The following DNAH6 variants were observed in gnomAD, a reference collection of about 807,000 sequenced individuals.
DNAH6 encodes the protein axonemal beta dynein heavy chain 6.
A neutral mutation model predicts 491.4 loss-of-function variants in DNAH6; 340 were observed. That is an observed-to-expected ratio of 0.69 (90% CI 0.63 to 0.76). The LOEUF is 0.76. Ranked by LOEUF, DNAH6 falls within the 30% of genes least tolerant of loss-of-function variation. The pLI, the probability that DNAH6 is intolerant of heterozygous loss-of-function variation, is 0.00. For synonymous variants in DNAH6, 1,603 were observed against 1,686.1 expected, an observed-to-expected ratio of 0.95 and a Z score of 1.21; for missense variants, 4,443 against 4,972.2, an observed-to-expected ratio of 0.89 and a Z score of 3.20.
the DNAH6 span, among the ~76,000 whole-genome samples, chr2:84,488,064 T>C: frequency 2.0e-5 from 3 of 152,200 alleles, no homozygotes; most frequent in African/African-American, 7.2e-5. Flanking sequence ...AATTGAGTAC[T>C]CTGTTTTTAG....
intron 58 of DNAH6, among the ~76,000 whole-genome samples, chr2:84,716,177 A>G (rs931586783): frequency 6.7e-6 from 1 of 150,196 alleles, no homozygotes; most frequent in African/African-American, 2.4e-5. Flanking sequence ...ATATATATGT[A>G]TGCCCTTTCT....
chr2:84,733,526 T>A lies in DNAH6; in HGVS notation c.10289T>A (p.Val3430Asp). 7 of 1,551,644 alleles carry A rather than the reference T, an allele frequency of 4.5e-6. No homozygotes were observed. In the East Asian group the frequency reaches 1.5e-4, roughly 33 times the overall value. The change falls in exon 62 of 77, where the codon GTT becomes GAT. Residue 3430 changes from valine to aspartate, a missense_variant. This residue lies in a region of DNAH6 where 1,463 missense variants were observed against 1,656.6 expected (regional missense o/e 0.88). Transcript: ENST00000389394. ...ACCDLEESFP[V>D]FHGLTQNILS... ...TGTGACTTGGAAGAATCATTTCCAG[T>A]TTTTCACGGACTTACCCAAAATATA...
intron 29 of DNAH6, among the ~76,000 whole-genome samples, chr2:84,631,025 T>C (rs1036072758): frequency 3.9e-5 from 6 of 152,208 alleles, no homozygotes; most frequent in African/African-American, 1.4e-4. Context: ...TTATTTCTAA[T>C]GGTCAATTAA....
chr2:84,465,514 AAG>A, the DNAH6 span, among the ~76,000 whole-genome samples: 4 of 152,220 alleles, frequency 2.6e-5, no homozygotes, highest in African/African-American at 7.2e-5. Context: ...AGAAAAAAAA[AAG>A]AAAACATTCA....
At chr2:84,753,827 A>ATTTTT (rs373380346) in intron 63 of DNAH6, among the ~76,000 whole-genome samples, 10 of 131,164 alleles carry the variant, frequency 7.6e-5, no homozygotes, top group African/African-American at 2.6e-4. Flanking sequence ...TTTTGAGTTA[A>ATTTTT]TTTTTTTTTT....
At chr2:84,588,783 A>G in intron 15 of DNAH6, 43 bp from the exon 16 acceptor site, 1 of 1,462,864 alleles carries the variant, frequency 6.8e-7, no homozygotes, top group Non-Finnish European at 9.1e-7. Flanking sequence ...GGTCTTTATC[A>G]AAAAGCAGGA....
chr2:84,733,450 C>A lies in DNAH6; in HGVS notation c.10213C>A (p.Pro3405Thr). Reference protein sequence around the residue: ...RGSAGLEKERPPKPEAPWLPT... With the variant: ...RGSAGLEKERTPKPEAPWLPT... ...ATTTTCTGTCTTCAAACAGGAACGC[C>A]CACCTAAGCCTGAAGCTCCCTGGCT... The change falls in exon 62 of 77, where the codon CCA becomes ACA. Residue 3405 changes from proline (P) to threonine (T), a missense_variant. Pro to Thr is a conservative substitution (Grantham distance 38, BLOSUM62 -1). Transcript: ENST00000389394. The A allele has an allele frequency of 6.5e-7, 1 of 1,550,182 alleles. No individual in the cohort carries two copies. The highest frequency in any genetic ancestry group is 8.7e-7 in the Non-Finnish European group (1 of 1,146,202).
chr2:84,537,702 G>A (rs17025222), intron 4 of DNAH6, among the ~76,000 whole-genome samples: 3,594 of 152,124 alleles, frequency 0.024, 57 homozygotes, highest in Middle Eastern at 0.092. Context: ...GGTATAAAAG[G>A]ACCCACTGTT....
At chr2:84,755,108 T>G (rs1382971741) in intron 63 of DNAH6, among the ~76,000 whole-genome samples, 1 of 152,252 alleles carries the variant, frequency 6.6e-6, no homozygotes, top group Non-Finnish European at 1.5e-5. Context: ...AAAGTTCCTT[T>G]ATTAGAAACT....
chr2:84,796,959 A>G (rs989547201), intron 69 of DNAH6, among the ~76,000 whole-genome samples: 7 of 152,248 alleles, frequency 4.6e-5, no homozygotes, highest in African/African-American at 1.7e-4. Flanking sequence ...ATTATGAGTC[A>G]GACAGCAAAC....
intron 30 of DNAH6, among the ~76,000 whole-genome samples, chr2:84,635,022 C>T (rs1029597898): frequency 3.3e-5 from 5 of 152,130 alleles, no homozygotes; most frequent in Non-Finnish European, 7.3e-5. Context: ...CAGCACTGCT[C>T]CAAGCCCTGT....
intron 61 of DNAH6, among the ~76,000 whole-genome samples, chr2:84,728,461 A>G (rs1698844881): frequency 6.6e-6 from 1 of 152,226 alleles, no homozygotes; most frequent in Non-Finnish European, 1.5e-5. Flanking sequence ...CTAACTGTGT[A>G]ATGTATCATT....
intron 68 of DNAH6, among the ~76,000 whole-genome samples, chr2:84,789,623 A>T (rs1677551922): frequency 6.6e-6 from 1 of 152,246 alleles, no homozygotes; most frequent in Non-Finnish European, 1.5e-5. Context: ...GGCATTTTGC[A>T]TCTTGACTTT....
intron 75 of DNAH6, 71 bp from the exon 76 acceptor site, chr2:84,815,790 C>A: frequency 9.5e-7 from 1 of 1,052,668 alleles, no homozygotes. Flanking sequence ...GGATGTGGGA[C>A]ATAGGAAGTG....
At chr2:84,497,149 T>G in the DNAH6 span, among the ~76,000 whole-genome samples, 17 of 152,220 alleles carry the variant, frequency 1.1e-4, no homozygotes, top group African/African-American at 4.1e-4. Flanking sequence ...TTTTATATTT[T>G]TAGTAGAGAC....
intron 30 of DNAH6, among the ~76,000 whole-genome samples, 165 bp from the exon 31 acceptor site, chr2:84,637,041 TTGGA>T (rs1225929784): frequency 2.6e-5 from 4 of 152,028 alleles, no homozygotes; most frequent in Non-Finnish European, 5.9e-5. Context: ...CCAGAAGAGA[TTGGA>T]AGTAGACAGG....
chr2:84,501,919 T>G, the DNAH6 span, among the ~76,000 whole-genome samples: 37 of 152,150 alleles, frequency 2.4e-4, no homozygotes, highest in African/African-American at 8.4e-4. Context: ...CTTCTCTCTT[T>G]TTTCTTCATT....
At chr2:84,706,778 A>G (rs1696490616) in intron 52 of DNAH6, 118 bp from the exon 53 acceptor site, 1 of 1,197,292 alleles carries the variant, frequency 8.4e-7, no homozygotes, top group Non-Finnish European at 1.1e-6. Flanking sequence ...ATCACATCAA[A>G]GTCTTTTTGG....
intron 37 of DNAH6, among the ~76,000 whole-genome samples, chr2:84,665,838 T>C (rs148386203): frequency 0.029 from 4,452 of 152,234 alleles, 234 homozygotes; most frequent in African/African-American, 0.1. Context: ...TGAACACTGA[T>C]GCAAAAATCC....
Sources: allele counts gnomAD v4.1 joint callset (sites outside exome capture counted in the v4.1 genomes callset), GRCh38; gene constraint gnomAD v4.1.1; regional missense constraint gnomAD v4.1.1; transcripts MANE v1.5; gene names NCBI Gene and HGNC (gene_info 2026-07-23, HGNC 2026-07-21).